PAQR9: variants seen among roughly 807,000 people sequenced by gnomAD.
The protein encoded by PAQR9 is progestin and adipoQ receptor family member 9.
In PAQR9, 12 loss-of-function variants were observed where a neutral mutation model predicts 24.0. The ratio of observed to expected loss-of-function variants is 0.50; its 90% confidence interval spans 0.32 to 0.81. PAQR9 has a LOEUF of 0.81. PAQR9 is among the 30% of genes least tolerant of loss of function. The probability of loss-of-function intolerance (pLI) is 0.03; values close to 1 mark genes in which losing one functional copy is unlikely to be tolerated. For synonymous variants in PAQR9, 266 were observed against 237.6 expected (o/e 1.12, Z -1.10); for missense variants, 418 against 520.8 (o/e 0.80, Z 1.92).
chr3:142,952,504 A>G (rs1934729321), downstream of PAQR9, among the ~76,000 whole-genome samples: 1 of 152,188 alleles, frequency 6.6e-6, no homozygotes, highest in Non-Finnish European at 1.5e-5. Context: ...AATTTTATGG[A>G]TCTGTTAAGA....
rs770135607 is a variant in PAQR9 at position 142,963,291 on chromosome 3, G to C, written c.46C>G (p.Pro16Ala). The C allele has an allele frequency of 1.4e-6, 2 of 1,459,144 alleles. No individual in the cohort carries two copies. The highest frequency in any genetic ancestry group is 1.4e-5 in the African/African-American group (1 of 69,368). The allele number at this position is 1,459,144 out of a possible 1,614,324, so 90.4% of individuals were successfully genotyped here. The part of the protein sequence containing the change: ...QPRGAGTKGP[P>A]APAPAASGAA... ...CCCGAAGCTGCCGGGGCCGGGGCCG[G>C]AGGGCCTTTTGTGCCCGCGCCCCGG... Residue 16 changes from proline to alanine, a missense_variant, in exon 1 of 1, where the codon CCG becomes GCG. Coordinates refer to ENST00000340634, the MANE Select transcript of PAQR9 (RefSeq NM_198504.4).
Position 142,956,289 on chromosome 3 carries a change from C to T in PAQR9, c.*5914G>A, listed in dbSNP as rs968733355. 5.3e-5 allele frequency among the ~76,000 whole-genome samples: 8 copies of T among 152,150 alleles called. No homozygotes were observed. Among genetic ancestry groups the T allele is most frequent in the South Asian group, 4.1e-4 (2 of 4,828 alleles). On this transcript the variant is annotated 3_prime_UTR_variant, in exon 1 of 1. Transcript: ENST00000340634. ...GAGAAGCAGGGCCATCTTTACAGCA[C>T]GGCCAAATGACCACCTGAAGACCCC...
At chr3:142,951,634 A>G (rs1417480295), downstream of PAQR9, 2 of 450,386 alleles carry the variant, frequency 4.4e-6, no homozygotes, top group Non-Finnish European at 8.9e-6. Flanking sequence ...ACAGGAGTGG[A>G]CTCAAGGTTT....
chr3:142,962,921 G>A lies in PAQR9; in HGVS notation c.416C>T (p.Ala139Val), dbSNP rs757779427. 1 of 1,613,740 alleles carries A rather than the reference G, an allele frequency of 6.2e-7. No individual in the cohort carries two copies. The highest frequency in any genetic ancestry group is 1.3e-5 in the African/African-American group (1 of 74,944). The change falls in exon 1 of 1, where the codon GCG becomes GTG. Residue 139 changes from alanine (A) to valine (V), a missense_variant. Ala to Val is a moderately conservative substitution (Grantham distance 64, BLOSUM62 0). Coordinates refer to ENST00000340634, the MANE Select transcript of PAQR9 (RefSeq NM_198504.4). ...VLLTFAMSCT[A>V]HVFSCLSLRL... ...CAGCGACAGGCAGCTGAACACGTGC[G>A]CCGTGCAGCTCATGGCGAAGGTCAG...
rs1366415822 is a variant in PAQR9, at chr3:142,955,487, G to GAAT, written c.*6713_*6715dup. ...AAAAAAAAAAAAAAAAGCAGCCACA[G>GAAT]AATCCTCCCCCAGCCCTGAAACACA... On this transcript the variant is annotated 3_prime_UTR_variant, in exon 1 of 1. Transcript: ENST00000340634. Among the ~76,000 whole-genome samples the GAAT allele has an allele frequency of 1.6e-5, 1 of 61,560 alleles. No homozygotes were observed. Among genetic ancestry groups the GAAT allele is most frequent in the Non-Finnish European group, 3.4e-5 (1 of 29,624 alleles). The allele number at this position is 61,560 out of a possible 152,430, so 40.4% of individuals were successfully genotyped here.
At position 142,962,271 on chromosome 3, in the gene PAQR9, G is replaced by A; in HGVS notation, c.1066C>T (p.Leu356=). The A allele has an allele frequency of 1.9e-6, 3 of 1,614,090 alleles. No individual in the cohort carries two copies. Among genetic ancestry groups the A allele is most frequent in the Non-Finnish European group, 2.5e-6 (3 of 1,179,974 alleles). Residue 356 remains leucine, a synonymous_variant, in exon 1 of 1, where the codon CTG becomes TTG. Coordinates refer to ENST00000340634, the MANE Select transcript of PAQR9 (RefSeq NM_198504.4). ...FSGTVGYMLL[L]VVCLGLVIRK... ...ATTACCAGCCCCAGGCAGACCACCA[G>A]CAGCAGCATGTAGCCCACAGTACCC...
Position 142,962,059 on chromosome 3 carries a change from G to T in PAQR9, c.*144C>A. Reference sequence around the variant, plus strand: ...TCCAGTGGGTTGGGATCCCTTTGTAGCAGTGAACTTTTTCCCTATGGTTTT... The same window carrying T: ...TCCAGTGGGTTGGGATCCCTTTGTATCAGTGAACTTTTTCCCTATGGTTTT... On this transcript the variant is annotated 3_prime_UTR_variant, in exon 1 of 1. Coordinates refer to ENST00000340634, the MANE Select transcript of PAQR9 (RefSeq NM_198504.4). The T allele has an allele frequency of 1.0e-6, 1 of 994,516 alleles. No individual in the cohort carries two copies. The highest frequency in any genetic ancestry group is 1.6e-5 in the African/African-American group (1 of 61,930). The allele number at this position is 994,516 out of a possible 1,614,324, so 61.6% of individuals were successfully genotyped here. A position where few individuals can be genotyped will look rare whatever the true frequency, so the allele number is the denominator to read the frequency against.
chr3:142,959,389 C>G lies in PAQR9; in HGVS notation c.*2814G>C, dbSNP rs1400971979. On this transcript the variant is annotated 3_prime_UTR_variant, in exon 1 of 1. Transcript: ENST00000340634. ...AACTGTATAGTTTAACAAATCATCC[C>G]TGGCTTTGACTAGTGTATATGGTAC... Among the ~76,000 whole-genome samples the G allele has an allele frequency of 6.6e-6, 1 of 152,184 alleles. No individual in the cohort carries two copies. The highest frequency in any genetic ancestry group is 1.5e-5 in the Non-Finnish European group (1 of 68,034).
At position 142,959,940 on chromosome 3, in the gene PAQR9, C is replaced by G. The variant is rs1934861374; in HGVS notation, c.*2263G>C. ...GGGGCTCTAGAAAAAACAACAATGACATGCAAATAAATTTGCATGTGGAAA... is the reference window on the plus strand; with the variant it reads ...GGGGCTCTAGAAAAAACAACAATGAGATGCAAATAAATTTGCATGTGGAAA... On this transcript the variant is annotated 3_prime_UTR_variant, in exon 1 of 1. Coordinates refer to ENST00000340634, the MANE Select transcript of PAQR9 (RefSeq NM_198504.4). Among the ~76,000 whole-genome samples the G allele has an allele frequency of 6.6e-6, 1 of 152,190 alleles. No individual in the cohort carries two copies. The highest frequency in any genetic ancestry group is 2.1e-4 in the South Asian group (1 of 4,828).
chr3:142,951,921 A>G, downstream of PAQR9: 1 of 377,718 alleles, frequency 2.6e-6, no homozygotes. Context: ...GCTGATGGAA[A>G]TCTTAGAAGA....
At chr3:142,950,778 G>A (rs1934701329), downstream of PAQR9, among the ~76,000 whole-genome samples, 1 of 152,084 alleles carries the variant, frequency 6.6e-6, no homozygotes, top group Non-Finnish European at 1.5e-5. Context: ...GGAAATTCAG[G>A]GCACTGCTAG....
downstream of PAQR9, chr3:142,950,341 G>A (rs1156356371): frequency 1.2e-5 from 2 of 168,472 alleles, no homozygotes; most frequent in Non-Finnish European, 2.6e-5. Flanking sequence ...TTCCTGCTCT[G>A]TTAAATTGTG....
rs1179939116 is a variant in PAQR9 at position 142,962,152 on chromosome 3, C to G, written c.*51G>C. 4 of 1,551,880 alleles carry G rather than the reference C, an allele frequency of 2.6e-6. No homozygotes were observed. Among genetic ancestry groups the G allele is most frequent in the Non-Finnish European group, 3.5e-6 (4 of 1,139,498 alleles). On this transcript the variant is annotated 3_prime_UTR_variant, in exon 1 of 1. Coordinates refer to ENST00000340634, the MANE Select transcript of PAQR9 (RefSeq NM_198504.4). The stretch of plus-strand genomic sequence containing the variant: ...GAAAACAAACCAACAATAGCAACAA[C>G]AGAAACTCCAAACAGATGGGCGAAC...
exon 3 of PAQR9, chr3:142,949,571 C>G (rs1934687778): frequency 6.6e-6 from 1 of 152,158 alleles, no homozygotes; most frequent in South Asian, 2.1e-4. Flanking sequence ...AATCCTATGG[C>G]TTAAAATTTA....
downstream of PAQR9, chr3:142,951,498 C>T (rs1410159204): frequency 3.0e-6 from 1 of 331,486 alleles, no homozygotes; most frequent in Non-Finnish European, 5.9e-6. Context: ...GATCACCATC[C>T]TTTTCTGCTT....
At position 142,961,945 on chromosome 3, in the gene PAQR9, G is replaced by T. The variant is rs1340756950; in HGVS notation, c.*258C>A. The T allele has an allele frequency of 6.3e-6, 3 of 474,872 alleles. No homozygotes were observed. Among genetic ancestry groups the T allele is most frequent in the Non-Finnish European group, 1.1e-5 (3 of 263,902 alleles). The allele number at this position is 474,872 out of a possible 1,614,324, so 29.4% of individuals were successfully genotyped here. ...CTTTGAGAAATCCCTGGATGTCAAA[G>T]ACATCACCTGAATTTTTTCCAGGGG... is the stretch of plus-strand genomic sequence containing the variant. On this transcript the variant is annotated 3_prime_UTR_variant, in exon 1 of 1. Coordinates refer to ENST00000340634, the MANE Select transcript of PAQR9 (RefSeq NM_198504.4).
rs144039037 is a variant in PAQR9, at chr3:142,962,986, C to G, written c.351G>C (p.Pro117=). The G allele has an allele frequency of 1.2e-5, 19 of 1,614,098 alleles. No homozygotes were observed. In the African/African-American group the frequency reaches 2.4e-4, roughly 20 times the overall value. The change falls in exon 1 of 1, where the codon CCG becomes CCC. Residue 117 remains proline, a synonymous_variant. Transcript: ENST00000340634. ...LSGGDVPFHH[P]WLLPLWCYAS... ...CGTAGCACCACAACGGTAGCAGCCA[C>G]GGGTGGTGGAAGGGCACGTCGCCGC...
rs1934765311 is a variant in PAQR9 at position 142,954,689 on chromosome 3, A to T, written c.*7514T>A. 6.6e-6 allele frequency among the ~76,000 whole-genome samples: 1 copy of T among 152,252 alleles called. No homozygotes were observed. Among genetic ancestry groups the T allele is most frequent in the Non-Finnish European group, 1.5e-5 (1 of 68,044 alleles). The stretch of plus-strand genomic sequence containing the variant: ...TTCATATTCAAGACTGTAGGGAACA[A>T]ATGTCTCAGGAAACCAAAATCATAG... On this transcript the variant is annotated 3_prime_UTR_variant, in exon 1 of 1. Coordinates refer to ENST00000340634, the MANE Select transcript of PAQR9 (RefSeq NM_198504.4).
Position 142,957,487 on chromosome 3 carries a change from A to G in PAQR9, c.*4716T>C, listed in dbSNP as rs1934808358. ...ACATGTTTCATAAGTTACAACACAA[A>G]GATCCTAAAAGGCTAGAGAGCATTA... On this transcript the variant is annotated 3_prime_UTR_variant, in exon 1 of 1. Coordinates refer to ENST00000340634, the MANE Select transcript of PAQR9 (RefSeq NM_198504.4). Among the ~76,000 whole-genome samples, 1 of 152,228 alleles carries G rather than the reference A, an allele frequency of 6.6e-6. No homozygotes were observed. The highest frequency in any genetic ancestry group is 1.5e-5 in the Non-Finnish European group (1 of 68,038).
Sources: gnomAD v4.1 joint callset for allele counts (sites outside exome capture counted in the v4.1 genomes callset) on GRCh38, gnomAD v4.1.1 for gene constraint, MANE v1.5 for transcripts, NCBI Gene and HGNC (gene_info 2026-07-23, HGNC 2026-07-21) for gene names.